The following OVCH1 variants were observed in gnomAD, a reference collection of about 807,000 sequenced individuals.
The protein encoded by OVCH1 is ovochymase-1.
OVCH1 carries 139 observed loss-of-function variants against 138.4 expected under a neutral mutation model. That is an observed-to-expected ratio of 1.00 (90% CI 0.87 to 1.16). The LOEUF (loss-of-function observed/expected upper bound fraction) is 1.16. Ranked by LOEUF, OVCH1 falls within the 50% of genes most tolerant of loss-of-function variation. OVCH1 has a pLI of 0.00. For missense variants in OVCH1, 1,367 were observed against 1,357.9 expected (o/e 1.01, Z -0.11); for synonymous variants, 453 against 467.8 (o/e 0.97, Z 0.41).
At chr12:29,404,061 G>T in the OVCH1 span, among the ~76,000 whole-genome samples, 1 of 152,156 alleles carries the variant, frequency 6.6e-6, no homozygotes, top group South Asian at 2.1e-4. Flanking sequence ...AATGATGGGC[G>T]GAAGTGACAC....
At chr12:29,440,394 T>G (rs909354142) in intron 25 of OVCH1, 5 of 177,776 alleles carry the variant, frequency 2.8e-5, no homozygotes, top group African/African-American at 7.2e-5. Context: ...CCTTCTTTAT[T>G]TCTTTGTTTT....
At chr12:29,495,556 G>A (rs958903144) in intron 3 of OVCH1, 99 bp from the exon 4 acceptor site, 2 of 1,039,328 alleles carry the variant, frequency 1.9e-6, no homozygotes, top group Non-Finnish European at 2.8e-6. Flanking sequence ...GTATCTTTAA[G>A]CATCCCTGAG....
At chr12:29,489,160 T>A (rs1026294000) in intron 6 of OVCH1, among the ~76,000 whole-genome samples, 2 of 152,224 alleles carry the variant, frequency 1.3e-5, no homozygotes, top group South Asian at 4.1e-4. Context: ...TGAAGTTGTG[T>A]CAGTCTTGGG....
At chr12:29,481,781 C>T (rs186156343) in intron 8 of OVCH1, among the ~76,000 whole-genome samples, 1 of 152,302 alleles carries the variant, frequency 6.6e-6, no homozygotes, top group Non-Finnish European at 1.5e-5. Flanking sequence ...AGCCACCACC[C>T]CAATGTTTCC....
At chr12:29,436,375 A>G (rs1480088725) in intron 26 of OVCH1, among the ~76,000 whole-genome samples, 2 of 152,252 alleles carry the variant, frequency 1.3e-5, no homozygotes, top group African/African-American at 4.8e-5. Context: ...AATACATGTT[A>G]TATAACATTT....
chr12:29,462,100 A>T, intron 18 of OVCH1, 92 bp from the exon 19 acceptor site: 2 of 1,342,614 alleles, frequency 1.5e-6, no homozygotes, highest in Non-Finnish European at 2.1e-6. Flanking sequence ...GCTCTGTACC[A>T]ACATAGCTGA....
chr12:29,465,361 A>G (rs1207406275), intron 16 of OVCH1, 142 bp from the exon 17 acceptor site: 2 of 706,104 alleles, frequency 2.8e-6, no homozygotes, highest in Non-Finnish European at 4.5e-6. Flanking sequence ...AAGAGGTTTA[A>G]TTGACTTACA....
chr12:29,447,161 G>A (rs1941640190), intron 22 of OVCH1, among the ~76,000 whole-genome samples: 1 of 151,876 alleles, frequency 6.6e-6, no homozygotes, highest in Non-Finnish European at 1.5e-5. Context: ...AAAAGATAAT[G>A]GCAATTAGTT....
chr12:29,467,629 G>A (rs1942365541), intron 16 of OVCH1, among the ~76,000 whole-genome samples: 1 of 152,172 alleles, frequency 6.6e-6, no homozygotes, highest in Non-Finnish European at 1.5e-5. Context: ...AGTTTCAGTA[G>A]CTGATTTAAA....
Position 29,481,105 on chromosome 12 carries a change from G to A in OVCH1, c.996-2197C>T, listed in dbSNP as rs557134773. Among the ~76,000 whole-genome samples the A allele has an allele frequency of 5.9e-5, 9 of 151,920 alleles. No homozygotes were observed. The South Asian group carries it at 1.7e-3, about 28-fold the overall frequency. On this transcript the variant is annotated intron_variant, in intron 8 of 27. Coordinates refer to ENST00000318184, the Ensembl canonical transcript of OVCH1. ...ACATGTTTTGGCCTATACTTGAGGTGTGAATTTAGATGGTAGATCTGCACG... is the reference window on the plus strand; with the variant it reads ...ACATGTTTTGGCCTATACTTGAGGTATGAATTTAGATGGTAGATCTGCACG...
At chr12:29,426,891 T>C (rs1376261439), downstream of OVCH1, among the ~76,000 whole-genome samples, 1 of 152,246 alleles carries the variant, frequency 6.6e-6, no homozygotes, top group African/African-American at 2.4e-5. Flanking sequence ...GCACTTGAAA[T>C]GTTGGTATTG....
intron 24 of OVCH1, 114 bp from the exon 25 acceptor site, chr12:29,443,614 T>C: frequency 9.6e-7 from 1 of 1,046,670 alleles, no homozygotes; most frequent in Non-Finnish European, 1.3e-6. Context: ...GCCTTATTTT[T>C]TGTGTCTGTT....
chr12:29,436,038 A>G (rs1941352656), intron 26 of OVCH1, among the ~76,000 whole-genome samples: 1 of 152,198 alleles, frequency 6.6e-6, no homozygotes, highest in African/African-American at 2.4e-5. Flanking sequence ...AATTTGAATT[A>G]TATAGTTCAT....
At chr12:29,475,886 A>G (rs1182164419) in intron 13 of OVCH1, among the ~76,000 whole-genome samples, 1 of 152,240 alleles carries the variant, frequency 6.6e-6, no homozygotes. Context: ...CCAAAATATC[A>G]GCAACAGAAG....
intron 22 of OVCH1, among the ~76,000 whole-genome samples, 154 bp from the exon 23 acceptor site, chr12:29,445,557 C>A (rs1941591545): frequency 6.6e-6 from 1 of 152,098 alleles, no homozygotes; most frequent in Non-Finnish European, 1.5e-5. Flanking sequence ...AAGTGACTCA[C>A]TCAATGCCAC....
chr12:29,437,454 C>CA (rs1941385146), intron 26 of OVCH1, among the ~76,000 whole-genome samples: 1 of 152,170 alleles, frequency 6.6e-6, no homozygotes, highest in Non-Finnish European at 1.5e-5. Context: ...TCAAGATGGT[C>CA]ATAGTCATGG....
chr12:29,451,329 T>C lies in OVCH1; in HGVS notation c.2755+16A>G, dbSNP rs372224544. ...CAAGACTCCTAGCACGAAGTTTATA[T>C]GCCAGGAAGGATTACCTGCCGTCTT... On this transcript the variant is annotated intron_variant, in intron 22 of 27. Coordinates refer to ENST00000318184, the Ensembl canonical transcript of OVCH1. 2 of 1,599,782 alleles carry C rather than the reference T, an allele frequency of 1.3e-6. No homozygotes were observed. The highest frequency in any genetic ancestry group is 1.7e-6 in the Non-Finnish European group (2 of 1,169,826).
chr12:29,442,969 AGT>A (rs1941526613), intron 25 of OVCH1, among the ~76,000 whole-genome samples: 1 of 152,098 alleles, frequency 6.6e-6, no homozygotes, highest in African/African-American at 2.4e-5. Flanking sequence ...TTTAAATTAA[AGT>A]AACCAGGCTT....
intron 4 of OVCH1, among the ~76,000 whole-genome samples, chr12:29,494,915 A>C (rs1565617362): frequency 1.3e-5 from 2 of 152,212 alleles, no homozygotes; most frequent in African/African-American, 4.8e-5. Flanking sequence ...AAATAATTCA[A>C]GTGTTCCTAG....
Sources: allele counts gnomAD v4.1 joint callset (sites outside exome capture counted in the v4.1 genomes callset), GRCh38; gene constraint gnomAD v4.1.1; transcripts MANE v1.5; gene names NCBI Gene and HGNC (gene_info 2026-07-23, HGNC 2026-07-21).